The following WLS variants were observed in gnomAD, a reference collection of about 807,000 sequenced individuals.
WLS encodes protein wntless homolog.
Under a neutral mutation model 62.8 loss-of-function variants are expected in WLS, and 23 were observed. That is an observed-to-expected ratio of 0.37 (90% CI 0.26 to 0.52). WLS has a LOEUF of 0.52. Among genes scored for constraint, WLS ranks in the 20% least tolerant of loss-of-function variants. The probability of loss-of-function intolerance (pLI) is 0.92; values close to 1 mark genes in which losing one functional copy is unlikely to be tolerated. For missense variants in WLS, 615 were observed against 697.3 expected (o/e 0.88, Z 1.33); for synonymous variants, 246 against 244.1 (o/e 1.01, Z -0.07).
intron 2 of WLS, among the ~76,000 whole-genome samples, chr1:68,166,311 T>C (rs1021348775): frequency 6.6e-6 from 1 of 152,238 alleles, no homozygotes; most frequent in African/African-American, 2.4e-5. Flanking sequence ...TAACTTGTGA[T>C]AGAAGAAGCC....
chr1:68,119,612 A>G (rs1366860426), intron 11 of WLS, among the ~76,000 whole-genome samples: 1 of 152,226 alleles, frequency 6.6e-6, no homozygotes, highest in Non-Finnish European at 1.5e-5. Flanking sequence ...ACAGCTTGAC[A>G]GAGGCCCTGG....
At chr1:68,190,951 G>A (rs371215791) in intron 2 of WLS, among the ~76,000 whole-genome samples, 25 of 151,940 alleles carry the variant, frequency 1.6e-4, no homozygotes, top group East Asian at 7.8e-4. Flanking sequence ...CCAGCTACTC[G>A]GGAGGCTGAG....
chr1:68,166,392 C>T (rs1316902208), intron 2 of WLS, among the ~76,000 whole-genome samples: 1 of 152,206 alleles, frequency 6.6e-6, no homozygotes, highest in African/African-American at 2.4e-5. Flanking sequence ...TCATCAGAGG[C>T]TAACATGCAC....
intron 2 of WLS, chr1:68,162,840 G>C: frequency 7.5e-7 from 1 of 1,334,860 alleles, no homozygotes. Context: ...TGAGGATGAT[G>C]GTGTGGTACA....
At chr1:68,230,097 T>C (rs1650341047) in intron 1 of WLS, among the ~76,000 whole-genome samples, 1 of 152,104 alleles carries the variant, frequency 6.6e-6, no homozygotes. Context: ...CCCTTAGGGC[T>C]TCTCCTTGGT....
chr1:68,100,589 G>A (rs1207496557), intron 11 of WLS: 1 of 152,254 alleles, frequency 6.6e-6, no homozygotes, highest in Non-Finnish European at 1.5e-5. Flanking sequence ...AATTAAAATT[G>A]AATTGTCTAA....
intron 4 of WLS, 149 bp downstream of exon 4, chr1:68,154,950 C>T (rs1646875496): frequency 4.6e-6 from 4 of 869,320 alleles, no homozygotes; most frequent in Non-Finnish European, 6.9e-6. Context: ...TGTAATCTCT[C>T]ACACAAATTA....
intron 2 of WLS, among the ~76,000 whole-genome samples, chr1:68,172,991 G>A (rs980888899): frequency 3.3e-5 from 5 of 152,130 alleles, no homozygotes; most frequent in African/African-American, 1.2e-4. Context: ...TGCGGAAGAC[G>A]GACTGGGATG....
intron 2 of WLS, chr1:68,162,757 T>A (rs796476553): frequency 9.0e-7 from 1 of 1,111,640 alleles, no homozygotes; most frequent in Admixed American, 1.7e-5. Flanking sequence ...AGCCTTGATG[T>A]CCACGTTATC....
intron 11 of WLS, among the ~76,000 whole-genome samples, chr1:68,099,225 T>C (rs888396933): frequency 6.6e-6 from 1 of 152,112 alleles, no homozygotes; most frequent in African/African-American, 2.4e-5. Context: ...ATATGTCTTA[T>C]CATCTTCCAA....
intron 11 of WLS, among the ~76,000 whole-genome samples, chr1:68,107,040 A>C (rs1274843701): frequency 7.9e-5 from 12 of 152,206 alleles, no homozygotes; most frequent in Admixed American, 7.9e-4. Flanking sequence ...TAGCATAAAG[A>C]AAATGATCAA....
intron 1 of WLS, among the ~76,000 whole-genome samples, chr1:68,218,897 G>A (rs1649838228): frequency 6.6e-6 from 1 of 152,164 alleles, no homozygotes; most frequent in Non-Finnish European, 1.5e-5. Context: ...TACATTATTG[G>A]TCTCTAAGTA....
intron 1 of WLS, among the ~76,000 whole-genome samples, chr1:68,200,279 C>T (rs1349152990): frequency 6.6e-6 from 1 of 152,142 alleles, no homozygotes; most frequent in Non-Finnish European, 1.5e-5. Flanking sequence ...ATTGATTTAA[C>T]ACCTGAAAAC....
At chr1:68,203,213 T>C (rs547992641) in intron 1 of WLS, among the ~76,000 whole-genome samples, 2 of 152,352 alleles carry the variant, frequency 1.3e-5, no homozygotes, top group Admixed American at 6.5e-5. Context: ...ATTAGCACCA[T>C]TGCATATTCA....
At chr1:68,106,945 A>C (rs111760086) in intron 11 of WLS, among the ~76,000 whole-genome samples, 1 of 152,136 alleles carries the variant, frequency 6.6e-6, no homozygotes, top group Non-Finnish European at 1.5e-5. Flanking sequence ...ACTGAAACCA[A>C]CTAAGTCGGT....
chr1:68,217,617 C>T (rs551662119), intron 1 of WLS, among the ~76,000 whole-genome samples: 41 of 152,326 alleles, frequency 2.7e-4, no homozygotes, highest in African/African-American at 9.6e-4. Flanking sequence ...GGTGTGAACA[C>T]ACGCACACAA....
intron 11 of WLS, among the ~76,000 whole-genome samples, chr1:68,130,525 C>G (rs761125631): frequency 7.2e-5 from 11 of 152,208 alleles, no homozygotes; most frequent in Non-Finnish European, 1.5e-5. Context: ...TAGGCCCACA[C>G]CAACCTCTCT....
chr1:68,149,164 A>G (rs1205726282), intron 6 of WLS, among the ~76,000 whole-genome samples: 1 of 152,188 alleles, frequency 6.6e-6, no homozygotes, highest in Non-Finnish European at 1.5e-5. Flanking sequence ...ATAAACAAAG[A>G]CACCAAGAGA....
intron 2 of WLS, among the ~76,000 whole-genome samples, chr1:68,187,199 A>C (rs966431790): frequency 6.6e-6 from 1 of 150,690 alleles, no homozygotes; most frequent in Non-Finnish European, 1.5e-5. Context: ...CAAAAAAAAA[A>C]AAAAAAAAAA....
Sources: gnomAD v4.1 joint callset for allele counts (sites outside exome capture counted in the v4.1 genomes callset) on GRCh38, gnomAD v4.1.1 for gene constraint, MANE v1.5 for transcripts, NCBI Gene and HGNC (gene_info 2026-07-23, HGNC 2026-07-21) for gene names.